Variants in CHD5 observed in about 807,000 individuals in gnomAD.
The protein encoded by CHD5 is ATP-dependent chromatin remodeler CHD5.
In CHD5, 69 loss-of-function variants were observed where a neutral mutation model predicts 230.3. The ratio of observed to expected loss-of-function variants is 0.30; its 90% CI spans 0.25 to 0.37. The LOEUF (loss-of-function observed/expected upper bound fraction) is 0.37. Among genes scored for constraint, CHD5 ranks in the 10% least tolerant of loss-of-function variants. The pLI, the probability that CHD5 is intolerant of heterozygous loss-of-function variation, is 1.00. For synonymous variants in CHD5, 1,064 were observed against 1,065.9 expected (o/e 1.00, Z 0.03); for missense variants, 1,827 against 2,622.8 (o/e 0.70, Z 6.63).
chr1:6,124,970 T>A (rs1180404607), intron 29 of CHD5, 130 bp downstream of exon 29: 1 of 1,001,072 alleles, frequency 1.0e-6, no homozygotes, highest in Non-Finnish European at 1.4e-6. Context: ...AAAGTCCAAG[T>A]GGCAGTGAAC....
Position 6,149,813 on chromosome 1 carries a change from G to A in CHD5, c.995-401C>T, listed in dbSNP as rs111203596. On this transcript the variant is annotated intron_variant, in intron 7 of 41. Transcript: ENST00000262450. ...TGGACAAATGGATGGATGGATAGGT[G>A]GATGGAAGGATGGATGGATGATGAA... is the stretch of plus-strand genomic sequence containing the variant. Among the ~76,000 whole-genome samples the A allele has an allele frequency of 3.7e-3, 565 of 151,012 alleles. 1 individual carries two copies. The highest frequency in any genetic ancestry group is 0.013 in the African/African-American group (513 of 40,768).
At position 6,131,784 on chromosome 1, in the gene CHD5, G is replaced by A. The variant is rs1028978401; in HGVS notation, c.3145-36C>T. 6 of 1,457,650 alleles carry A rather than the reference G, an allele frequency of 4.1e-6. No homozygotes were observed. In the African/African-American group the frequency reaches 7.0e-5, roughly 17 times the overall value. The allele number at this position is 1,457,650 out of a possible 1,614,324, so 90.3% of individuals were successfully genotyped here. ...GACGGGCACGTGAGGAACTGCCAAG[G>A]AGCAAGGGGCCCCATGGGCCATGGG... On this transcript the variant is annotated intron_variant, in intron 20 of 41. Transcript: ENST00000262450. This position sits in a 1 kb window ranked among gnomAD's most constrained non-coding sequence, Gnocchi z 5.0.
Position 6,125,637 on chromosome 1 carries a change from C to T in CHD5, c.4172-25G>A, listed in dbSNP as rs1190296850. 1.2e-6 allele frequency: 2 copies of T among 1,613,068 alleles called. No homozygotes were observed. The highest frequency in any genetic ancestry group is 1.1e-5 in the South Asian group (1 of 91,054). On this transcript the variant is annotated intron_variant, in intron 27 of 41. Transcript: ENST00000262450. This position sits in a 1 kb window ranked among gnomAD's most constrained non-coding sequence, Gnocchi z 6.7. ...CCTGGGGAGCAGCCCGCCACAGTTC[C>T]TCAGGTGGGAGCCCAGAGATTCCTG... is the stretch of plus-strand genomic sequence containing the variant.
At position 6,179,965 on chromosome 1, in the gene CHD5, TC is replaced by T; in HGVS notation, c.58del (p.Glu20ArgfsTer26). The T allele has an allele frequency of 7.3e-7, 1 of 1,370,932 alleles. No homozygotes were observed. Among genetic ancestry groups the T allele is most frequent in the Non-Finnish European group, 9.5e-7 (1 of 1,047,864 alleles). The allele number at this position is 1,370,932 out of a possible 1,614,324, so 84.9% of individuals were successfully genotyped here. A position where few individuals can be genotyped will look rare whatever the true frequency, so the allele number is the denominator to read the frequency against. On this transcript the variant is annotated frameshift_variant, in exon 1 of 42. Transcript: ENST00000262450. LOFTEE classifies it high-confidence loss of function. ...CTCACCTGACATCTCGTCCTCATTC[TC>T]CATCTCCTCGGCGAACAGCCGCGGC... is the stretch of plus-strand genomic sequence containing the variant. Reference protein sequence around the residue: ...ELPRLFAEEMENEDEMSEEED... With the variant: ...ELPRLFAEEMXNEDEMSEEED...
At position 6,149,201 on chromosome 1, in the gene CHD5, C is replaced by A. The variant is rs553365144; in HGVS notation, c.1161+45G>T. ...AAATGAGGGCACAGGGGTGGGGGAG[C>A]CAGGCGTGGCCCCGCCCCCAGCCCG... On this transcript the variant is annotated intron_variant, in intron 8 of 41. Coordinates refer to ENST00000262450, the MANE Select transcript of CHD5 (RefSeq NM_015557.3). 4.9e-5 allele frequency: 75 copies of A among 1,517,196 alleles called. 2 individuals carry two copies. In the South Asian group the frequency reaches 9.2e-4, roughly 19 times the overall value. The allele number at this position is 1,517,196 out of a possible 1,614,324, so 94.0% of individuals were successfully genotyped here.
intron 15 of CHD5, among the ~76,000 whole-genome samples, chr1:6,140,999 A>ATAATAATAATAATAATAATAAT (rs1212140994): frequency 1.5e-5 from 2 of 134,004 alleles, no homozygotes; most frequent in African/African-American, 5.5e-5. Context: ...AATAATAATA[A>ATAATAATAATAATAATAATAAT]TAGGCTGAGC....
At chr1:6,120,570 G>A (rs976182673) in intron 33 of CHD5, among the ~76,000 whole-genome samples, 70 of 151,780 alleles carry the variant, frequency 4.6e-4, no homozygotes, top group Non-Finnish European at 7.4e-4. Flanking sequence ...TTGGGAGGCC[G>A]AGGCAGGCGG....
rs772793399 is a variant in CHD5, at chr1:6,128,448, GCAGCC to G, written c.3730+46_3730+50del. ...GTCAGGGAACCCCTCCTCTGCAGGA[GCAGCC>G]ACCTGGTCGGAGGAGGAGCTGAGGC... is the stretch of plus-strand genomic sequence containing the variant. On this transcript the variant is annotated intron_variant, in intron 24 of 41. Transcript: ENST00000262450. This position sits in a 1 kb window ranked among gnomAD's most constrained non-coding sequence, Gnocchi z 7.8. The G allele has an allele frequency of 2.5e-5, 36 of 1,459,006 alleles. No homozygotes were observed. The highest frequency in any genetic ancestry group is 3.4e-5 in the Non-Finnish European group (36 of 1,044,260). The allele number at this position is 1,459,006 out of a possible 1,614,324, so 90.4% of individuals were successfully genotyped here.
intron 1 of CHD5, among the ~76,000 whole-genome samples, chr1:6,179,367 C>T (rs1667475933): frequency 6.6e-6 from 1 of 152,034 alleles, no homozygotes; most frequent in Non-Finnish European, 1.5e-5. Flanking sequence ...AGCAGGGGTC[C>T]GAGCCCGTGC....
chr1:6,109,705 C>T, intron 38 of CHD5, 90 bp downstream of exon 38: 3 of 1,128,624 alleles, frequency 2.7e-6, no homozygotes, highest in Non-Finnish European at 3.9e-6. Context: ...CCAGCCCCTA[C>T]CCCATCAGTG....
chr1:6,160,144 G>A (rs993544567), intron 2 of CHD5, among the ~76,000 whole-genome samples: 1 of 126,084 alleles, frequency 7.9e-6, no homozygotes, highest in African/African-American at 3.4e-5. Flanking sequence ...CCCAGCCAGG[G>A]AAGGGCCCCA....
In CHD5 at chr1:6,142,221, C is replaced by T. The variant is rs750046097; in HGVS notation, c.2343G>A (p.Thr781=). ...TCACCGAGCGGCTCTCCTTGTCCCC[C>T]GTGTAGGTGACCACGTAGAAGTCGG... ...WAPDFYVVTY[T]GDKESRSVIR... The change falls in exon 15 of 42, where the codon ACG becomes ACA. Residue 781 remains threonine, a synonymous_variant. Transcript: ENST00000262450. The surrounding 1 kb of genome is among the most constrained non-coding windows in gnomAD (Gnocchi z 5.2). 2 of 1,614,236 alleles carry T rather than the reference C, an allele frequency of 1.2e-6. No individual in the cohort carries two copies. Among genetic ancestry groups the T allele is most frequent in the East Asian group, 2.2e-5 (1 of 44,876 alleles).
rs1443787035 is a variant in CHD5, at chr1:6,113,764, A to G, written c.4913-766T>C. Among the ~76,000 whole-genome samples, 3 of 152,334 alleles carry G rather than the reference A, an allele frequency of 2.0e-5. No homozygotes were observed. In the East Asian group the frequency reaches 5.8e-4, roughly 29 times the overall value. Reference sequence around the variant, plus strand: ...CAGGATCAAGGAAAAGAAGGTCTCCAGTGAGGAACCCACACCCAACGCCTT... The same window carrying G: ...CAGGATCAAGGAAAAGAAGGTCTCCGGTGAGGAACCCACACCCAACGCCTT... On this transcript the variant is annotated intron_variant, in intron 33 of 41. Coordinates refer to ENST00000262450, the MANE Select transcript of CHD5 (RefSeq NM_015557.3).
At chr1:6,177,079 G>T (rs1667439171) in intron 1 of CHD5, among the ~76,000 whole-genome samples, 1 of 152,244 alleles carries the variant, frequency 6.6e-6, no homozygotes. Context: ...CCCAGGGGGA[G>T]GTGGGAGATG....
chr1:6,113,203 C>T (rs1227767609), intron 33 of CHD5: 3 of 552,012 alleles, frequency 5.4e-6, no homozygotes, highest in African/African-American at 3.8e-5. Flanking sequence ...GCAGGAGGAT[C>T]ACTTCAGACC....
In CHD5 at chr1:6,128,530, A is replaced by G. The variant is rs765139399; in HGVS notation, c.3699T>C (p.Ser1233=). The change falls in exon 24 of 42, where the codon AGT becomes AGC. Residue 1233 remains serine (S), a synonymous_variant. Coordinates refer to ENST00000262450, the MANE Select transcript of CHD5 (RefSeq NM_015557.3). This position sits in a 1 kb window ranked among gnomAD's most constrained non-coding sequence, Gnocchi z 7.8. ...QSSKGGNLAA[S]AKKKHGSTPP... Reference sequence around the variant, plus strand: ...GGGTGCTACCGTGCTTCTTCTTTGCACTGGCGGCCAAGTTCCCCCCTTTGG... The same window carrying G: ...GGGTGCTACCGTGCTTCTTCTTTGCGCTGGCGGCCAAGTTCCCCCCTTTGG... 6 of 1,614,124 alleles carry G rather than the reference A, an allele frequency of 3.7e-6. No homozygotes were observed. The Admixed American group carries it at 1.0e-4, about 27-fold the overall frequency.
intron 2 of CHD5, among the ~76,000 whole-genome samples, chr1:6,165,592 T>C (rs1667239655): frequency 6.6e-6 from 1 of 151,766 alleles, no homozygotes; most frequent in Non-Finnish European, 1.5e-5. Context: ...AGGGCGGGGA[T>C]GGCAGCAGAG....
rs1158149822 is a variant in CHD5 at position 6,155,248 on chromosome 1, C to T, written c.507-350G>A. ...TTTCTCATTGGGTTTTCAGGCCCTG[C>T]AAGACTTGTGGGGCCACAGGTGGGC... On this transcript the variant is annotated intron_variant, in intron 4 of 41. Transcript: ENST00000262450. The surrounding 1 kb of genome is among the most constrained non-coding windows in gnomAD (Gnocchi z 4.0). Among the ~76,000 whole-genome samples the T allele has an allele frequency of 6.6e-6, 1 of 152,170 alleles. No individual in the cohort carries two copies. The highest frequency in any genetic ancestry group is 1.9e-4 in the East Asian group (1 of 5,184).
rs116550066 is a variant in CHD5, at chr1:6,135,268, G to C, written c.2832C>G (p.Thr944=). The C allele has an allele frequency of 1.2e-6, 2 of 1,614,100 alleles. No individual in the cohort carries two copies. The highest frequency in any genetic ancestry group is 2.2e-5 in the South Asian group (2 of 91,078). ...ADVFKNMPAK[T]ELIVRVELSQ... ...TCAGCTCCACCCGGACAATGAGCTC[G>C]GTCTTGGCCGGCATGTTCTTGAACA... The change falls in exon 18 of 42, where the codon ACC becomes ACG. Residue 944 remains threonine, a synonymous_variant. Transcript: ENST00000262450.
Sources: gnomAD v4.1 joint callset for allele counts (sites outside exome capture counted in the v4.1 genomes callset) on GRCh38, gnomAD v4.1.1 for gene constraint, Gnocchi (gnomAD v3.1) non-coding constraint, MANE v1.5 for transcripts, NCBI Gene and HGNC (gene_info 2026-07-23, HGNC 2026-07-21) for gene names.